PPP4R3B: variants seen among roughly 807,000 people sequenced by gnomAD.
PPP4R3B encodes protein phosphatase 4 regulatory subunit 3B, also known as serine/threonine-protein phosphatase 4 regulatory subunit 3B.
In PPP4R3B, 52 loss-of-function variants were observed where a neutral mutation model predicts 95.4. The ratio of observed to expected loss-of-function variants is 0.54; its 90% CI spans 0.44 to 0.69. PPP4R3B has a LOEUF of 0.69. Among genes scored for constraint, PPP4R3B ranks in the 30% least tolerant of loss-of-function variants. The pLI is 0.00. For missense variants in PPP4R3B, 1,003 were observed against 1,005.9 expected, an observed-to-expected ratio of 1.00 and a Z score of 0.04; for synonymous variants, 407 against 343.9, an observed-to-expected ratio of 1.18 and a Z score of -2.03.
intron 11 of PPP4R3B, 100 bp downstream of exon 11, chr2:55,577,215 C>G: frequency 1.4e-6 from 2 of 1,394,258 alleles, no homozygotes; most frequent in Non-Finnish European, 1.9e-6. Flanking sequence ...TGTTTTTATG[C>G]CAAAATATGC....
chr2:55,614,018 T>C (rs1289748723), intron 2 of PPP4R3B, among the ~76,000 whole-genome samples: 1 of 152,150 alleles, frequency 6.6e-6, no homozygotes, highest in Non-Finnish European at 1.5e-5. Context: ...GGACAAATGT[T>C]TAATTTGCTT....
chr2:55,559,920 A>T (rs1020051267), intron 15 of PPP4R3B, among the ~76,000 whole-genome samples: 1 of 152,074 alleles, frequency 6.6e-6, no homozygotes, highest in Admixed American at 6.5e-5. Flanking sequence ...TCAGGAGTTC[A>T]AGATCAGCCT....
intron 4 of PPP4R3B, among the ~76,000 whole-genome samples, chr2:55,593,316 T>C (rs948597685): frequency 6.6e-6 from 1 of 152,200 alleles, no homozygotes; most frequent in African/African-American, 2.4e-5. Flanking sequence ...TTAGCACACA[T>C]ACTAGGAGCC....
intron 3 of PPP4R3B, among the ~76,000 whole-genome samples, chr2:55,601,432 G>C (rs1692596647): frequency 6.6e-6 from 1 of 151,362 alleles, no homozygotes. Flanking sequence ...CCAGGCTGGA[G>C]TGCAATGGCG....
chr2:55,607,780 T>A (rs77121714), intron 2 of PPP4R3B, among the ~76,000 whole-genome samples: 2,346 of 152,302 alleles, frequency 0.015, 28 homozygotes, highest in Middle Eastern at 0.034. Flanking sequence ...CTTCTAACCA[T>A]GCCTTGGTCC....
chr2:55,577,354 T>A lies in PPP4R3B; in HGVS notation c.1567A>T (p.Asn523Tyr). ...TTGTTTTTGTTTGATCCAACTATAT[T>A]ATCTAATAAAAAAATTAAAAATTAA... ...STPSSSISQD[N>Y]IVGSNKNNTI... Residue 523 changes from asparagine (N) to tyrosine (Y), a missense_variant and splice_region_variant, in exon 11 of 17, where the codon AAT (asparagine) becomes TAT (tyrosine). By Grantham distance (143) the Asn-to-Tyr change is moderately radical. Around this residue, in one of 3 missense-constraint regions of PPP4R3B, gnomAD observed 695 missense variants for 686.2 expected, o/e 1.01. Coordinates refer to ENST00000616407, the MANE Select transcript of PPP4R3B (RefSeq NM_001122964.3). The A allele has an allele frequency of 6.6e-7, 1 of 1,510,334 alleles. No homozygotes were observed. The highest frequency in any genetic ancestry group is 8.8e-7 in the Non-Finnish European group (1 of 1,132,564). The allele number at this position is 1,510,334 out of a possible 1,614,324, so 93.6% of individuals were successfully genotyped here. A position where few individuals can be genotyped will look rare whatever the true frequency, so the allele number is the denominator to read the frequency against.
intron 16 of PPP4R3B, among the ~76,000 whole-genome samples, chr2:55,556,998 G>A (rs753103157): frequency 6.2e-4 from 95 of 152,302 alleles, no homozygotes; most frequent in Non-Finnish European, 1.1e-3. Flanking sequence ...AGGAGGTGGC[G>A]GAGGCAGTGA....
chr2:55,617,003 T>C (rs1297214507), intron 1 of PPP4R3B, 141 bp downstream of exon 1: 1 of 896,454 alleles, frequency 1.1e-6, no homozygotes, highest in Non-Finnish European at 1.7e-6. Flanking sequence ...CAGTACTTTG[T>C]TTTTGCCGTA....
At chr2:55,609,318 T>A (rs1177080193) in intron 2 of PPP4R3B, among the ~76,000 whole-genome samples, 1 of 152,198 alleles carries the variant, frequency 6.6e-6, no homozygotes, top group East Asian at 1.9e-4. Context: ...CTAGGCCTTT[T>A]ATGATTCTTA....
chr2:55,586,688 G>A lies in PPP4R3B; in HGVS notation c.1046C>T (p.Pro349Leu). Residue 349 changes from proline to leucine, a missense_variant, in exon 6 of 17, where the codon CCT becomes CTT. Pro to Leu is a moderately conservative substitution (Grantham distance 98). Coordinates refer to ENST00000616407, the MANE Select transcript of PPP4R3B (RefSeq NM_001122964.3). ...EFCAFSQTLQPQNRDAFFKTL... is the reference protein window; with the variant it reads ...EFCAFSQTLQLQNRDAFFKTL... The stretch of plus-strand genomic sequence containing the variant: ...TTTGAAAAATGCATCCCTGTTTTGA[G>A]GTTGTAATGTCTGAGAAAATGCACA... 6.2e-7 allele frequency: 1 copy of A among 1,608,440 alleles called. No homozygotes were observed. Among genetic ancestry groups the A allele is most frequent in the Non-Finnish European group, 8.5e-7 (1 of 1,177,730 alleles).
In PPP4R3B at chr2:55,547,462, G is replaced by T. The variant is rs1462156471; in HGVS notation, c.*2449C>A. 6.6e-6 allele frequency: 1 copy of T among 152,188 alleles called. No homozygotes were observed. The highest frequency in any genetic ancestry group is 2.4e-5 in the African/African-American group (1 of 41,444). 9.4% of individuals were successfully genotyped at this position (152,188 alleles called of 1,614,324 possible). A position where few individuals can be genotyped will look rare whatever the true frequency, so the allele number is the denominator to read the frequency against. Reference sequence around the variant, plus strand: ...GCCTGAGGGTAGTCGTTTAAAGACAGCCGCTAACATGGAATTCTCACAATT... The same window carrying T: ...GCCTGAGGGTAGTCGTTTAAAGACATCCGCTAACATGGAATTCTCACAATT... On this transcript the variant is annotated 3_prime_UTR_variant, in exon 17 of 17. Coordinates refer to ENST00000616407, the MANE Select transcript of PPP4R3B (RefSeq NM_001122964.3).
At chr2:55,555,537 A>G (rs115975020) in intron 16 of PPP4R3B, among the ~76,000 whole-genome samples, 3,821 of 152,132 alleles carry the variant, frequency 0.025, 63 homozygotes, top group Middle Eastern at 0.037. Context: ...AACATGGTGA[A>G]ACCCCATCTC....
chr2:55,594,765 T>C (rs1290083470), intron 4 of PPP4R3B, among the ~76,000 whole-genome samples: 1 of 152,136 alleles, frequency 6.6e-6, no homozygotes, highest in Admixed American at 6.6e-5. Flanking sequence ...AATTGTATAC[T>C]ACAGTTTAAA....
chr2:55,570,038 T>A (rs978206859), intron 12 of PPP4R3B, among the ~76,000 whole-genome samples: 14 of 151,716 alleles, frequency 9.2e-5, no homozygotes, highest in African/African-American at 3.4e-4. Flanking sequence ...GATCACGAGA[T>A]CAGGAGATCG....
At chr2:55,576,284 G>A (rs1688649045) in intron 11 of PPP4R3B, among the ~76,000 whole-genome samples, 2 of 152,188 alleles carry the variant, frequency 1.3e-5, no homozygotes, top group East Asian at 3.9e-4. Context: ...GAAGGTGGAG[G>A]TTGCAGTGAG....
At chr2:55,615,713 G>T (rs1694799028) in intron 1 of PPP4R3B, among the ~76,000 whole-genome samples, 1 of 151,696 alleles carries the variant, frequency 6.6e-6, no homozygotes, top group Non-Finnish European at 1.5e-5. Flanking sequence ...TTAGCTGGGC[G>T]TGGTGGCGCA....
chr2:55,564,838 C>G (rs1484418948), intron 14 of PPP4R3B, 64 bp downstream of exon 14: 3 of 1,563,276 alleles, frequency 1.9e-6, no homozygotes, highest in Non-Finnish European at 2.6e-6. Context: ...CATGGAAAAT[C>G]TGAACTACAA....
At chr2:55,561,257 C>A (rs1686579308) in intron 15 of PPP4R3B, among the ~76,000 whole-genome samples, 3 of 152,190 alleles carry the variant, frequency 2.0e-5, no homozygotes. Context: ...GGTTTGGTAA[C>A]CTCTGATTCT....
chr2:55,609,042 T>A (rs1404017590), intron 2 of PPP4R3B, among the ~76,000 whole-genome samples: 1 of 152,130 alleles, frequency 6.6e-6, no homozygotes, highest in African/African-American at 2.4e-5. Context: ...CAGCACTCGA[T>A]GAGGTATTTC....
Sources: allele counts gnomAD v4.1 joint callset (sites outside exome capture counted in the v4.1 genomes callset), GRCh38; gene constraint gnomAD v4.1.1; regional missense constraint gnomAD v4.1.1; transcripts MANE v1.5; gene names NCBI Gene and HGNC (gene_info 2026-07-23, HGNC 2026-07-21).